The following RFTN2 variants were observed in gnomAD, a reference collection of about 807,000 sequenced individuals.
RFTN2 encodes raftlin-2.
In RFTN2, 34 loss-of-function variants were observed where a neutral mutation model predicts 52.7. That is an observed-to-expected ratio of 0.64 (90% CI 0.49 to 0.86). RFTN2 has a LOEUF of 0.86. Ranked by LOEUF, RFTN2 falls within the 40% of genes least tolerant of loss-of-function variation. RFTN2 has a pLI of 0.00. For synonymous variants in RFTN2, 203 were observed against 217.7 expected (o/e 0.93, Z 0.59); for missense variants, 536 against 600.1 (o/e 0.89, Z 1.12).
At chr2:197,651,435 A>G (rs893133617) in intron 1 of RFTN2, among the ~76,000 whole-genome samples, 4 of 152,178 alleles carry the variant, frequency 2.6e-5, no homozygotes, top group African/African-American at 7.2e-5. Flanking sequence ...CCTGGCCAAC[A>G]TGGTGAAACT....
intron 8 of RFTN2, among the ~76,000 whole-genome samples, chr2:197,594,354 G>T (rs2087763870): frequency 6.6e-6 from 1 of 151,644 alleles, no homozygotes; most frequent in African/African-American, 2.4e-5. Flanking sequence ...TTGAGACAGG[G>T]TCTCACTCCG....
At position 197,602,000 on chromosome 2, in the gene RFTN2, A is replaced by C. The variant is rs2087888187; in HGVS notation, c.1155-5931T>G. 2.6e-5 allele frequency among the ~76,000 whole-genome samples: 4 copies of C among 152,306 alleles called. No individual in the cohort carries two copies. In the South Asian group the frequency reaches 8.3e-4, roughly 32 times the overall value. ...AACAGTGACTAGTACTAGTTGTAAA[A>C]ACAAACAAGCAACAAAAATGAAACT... On this transcript the variant is annotated intron_variant, in intron 7 of 8. Transcript: ENST00000295049.
chr2:197,667,774 T>C (rs2089082388), intron 1 of RFTN2, among the ~76,000 whole-genome samples: 1 of 152,202 alleles, frequency 6.6e-6, no homozygotes, highest in African/African-American at 2.4e-5. Flanking sequence ...GGTGAGGTTT[T>C]CTTGGGAACT....
chr2:197,594,868 A>G (rs772812802), intron 8 of RFTN2, among the ~76,000 whole-genome samples: 20 of 152,258 alleles, frequency 1.3e-4, no homozygotes, highest in Non-Finnish European at 2.9e-4. Context: ...TGTATTATAC[A>G]CACAGTCAAT....
intron 8 of RFTN2, among the ~76,000 whole-genome samples, chr2:197,590,651 C>T (rs1337359003): frequency 6.6e-6 from 1 of 152,136 alleles, no homozygotes; most frequent in African/African-American, 2.4e-5. Context: ...GAGTTTGCTC[C>T]TTCTGGTGTT....
chr2:197,594,957 G>A (rs1328819952), intron 8 of RFTN2, among the ~76,000 whole-genome samples: 5 of 152,126 alleles, frequency 3.3e-5, no homozygotes, highest in South Asian at 2.1e-4. Flanking sequence ...AGCTTTGCCC[G>A]AAAACATAAA....
intron 5 of RFTN2, among the ~76,000 whole-genome samples, chr2:197,618,406 G>C (rs1164217257): frequency 1.3e-5 from 2 of 152,084 alleles, no homozygotes; most frequent in East Asian, 3.9e-4. Context: ...TGCCCAGGCT[G>C]GAGTGCAGTG....
intron 2 of RFTN2, 68 bp downstream of exon 2, chr2:197,646,415 A>ATTT: frequency 1.5e-6 from 2 of 1,291,330 alleles, no homozygotes; most frequent in Non-Finnish European, 2.1e-6. Context: ...CTTGATTCAA[A>ATTT]TTTTTTTTTC....
At chr2:197,575,499 T>C (rs1228613914) in intron 8 of RFTN2, among the ~76,000 whole-genome samples, 2 of 152,158 alleles carry the variant, frequency 1.3e-5, no homozygotes, top group African/African-American at 4.8e-5. Flanking sequence ...GACTCTCTGA[T>C]CAACTGTGGA....
intron 1 of RFTN2, among the ~76,000 whole-genome samples, chr2:197,658,773 T>C (rs542841205): frequency 1.3e-5 from 2 of 152,178 alleles, no homozygotes; most frequent in Non-Finnish European, 2.9e-5. Context: ...TTAATGAGTG[T>C]GGTTGGTTAC....
chr2:197,594,634 G>C (rs1029471966), intron 8 of RFTN2, among the ~76,000 whole-genome samples: 2 of 152,174 alleles, frequency 1.3e-5, no homozygotes, highest in Non-Finnish European at 2.9e-5. Context: ...GCATGGCCTA[G>C]ACAGAATATT....
At chr2:197,587,210 T>TAGGTTCCCACGCTGCCCC (rs2087614792) in intron 8 of RFTN2, among the ~76,000 whole-genome samples, 1 of 152,138 alleles carries the variant, frequency 6.6e-6, no homozygotes, top group Admixed American at 6.6e-5. Context: ...TCTGCTACTC[T>TAGGTTCCCACGCTGCCCC]AGGTTCCCAC....
In RFTN2 at chr2:197,588,098, AAC is replaced by A. The variant is rs1391515360; in HGVS notation, c.1233+7891_1233+7892del. 3 of 455,092 alleles carry A rather than the reference AAC, an allele frequency of 6.6e-6. No individual in the cohort carries two copies. In the Admixed American group the frequency reaches 7.8e-5, roughly 12 times the overall value. The allele number at this position is 455,092 out of a possible 1,614,324, so 28.2% of individuals were successfully genotyped here. On this transcript the variant is annotated intron_variant, in intron 8 of 8. Transcript: ENST00000295049. ...AAAAATTTCATTCAATCATAAAAAT[AAC>A]ACACATTTAATATAGAAAATGTGAC...
At chr2:197,588,096 AT>A in intron 8 of RFTN2, 5 of 455,500 alleles carry the variant, frequency 1.1e-5, no homozygotes, top group Non-Finnish European at 2.2e-5. Context: ...AATCATAAAA[AT>A]AACACACATT....
chr2:197,613,358 G>T (rs2088094493), intron 7 of RFTN2, among the ~76,000 whole-genome samples: 1 of 152,144 alleles, frequency 6.6e-6, no homozygotes, highest in African/African-American at 2.4e-5. Flanking sequence ...CAATTTTTCA[G>T]ATAAGGAAAT....
At chr2:197,645,727 T>A (rs574540964) in intron 2 of RFTN2, among the ~76,000 whole-genome samples, 1 of 152,302 alleles carries the variant, frequency 6.6e-6, no homozygotes, top group Admixed American at 6.5e-5. Context: ...TTTCTGTCGT[T>A]AAAAGTTTTA....
intron 7 of RFTN2, among the ~76,000 whole-genome samples, chr2:197,610,843 A>C (rs959516829): frequency 6.6e-6 from 1 of 152,236 alleles, no homozygotes; most frequent in African/African-American, 2.4e-5. Context: ...ATTTTGTCAA[A>C]GGCCTTTTCT....
Position 197,675,394 on chromosome 2 carries a change from G to A in RFTN2, c.65C>T (p.Thr22Ile), listed in dbSNP as rs2089202312. 6.2e-7 allele frequency: 1 copy of A among 1,605,008 alleles called. No individual in the cohort carries two copies. Among genetic ancestry groups the A allele is most frequent in the South Asian group, 1.1e-5 (1 of 89,940 alleles). ...DDSSPGKIFSTLKRPQVETKT... is the reference protein window; with the variant it reads ...DDSSPGKIFSILKRPQVETKT... ...TGTTTCCACTTGCGGTCTCTTCAGG[G>A]TAGAAAATATTTTTCCAGGGCTGCT... is the stretch of plus-strand genomic sequence containing the variant. Residue 22 changes from threonine to isoleucine, a missense_variant, in exon 1 of 9, where the codon ACC (threonine) becomes ATC (isoleucine). Physicochemically the swap from Thr to Ile is moderately conservative, Grantham distance 89. Coordinates refer to ENST00000295049, the MANE Select transcript of RFTN2 (RefSeq NM_144629.3).
intron 1 of RFTN2, among the ~76,000 whole-genome samples, chr2:197,653,874 C>T (rs1039961679): frequency 7.2e-5 from 11 of 152,186 alleles, no homozygotes; most frequent in African/African-American, 2.7e-4. Context: ...TCTAAGTACA[C>T]TTTCACAATT....
Sources: gnomAD v4.1 joint callset for allele counts (sites outside exome capture counted in the v4.1 genomes callset) on GRCh38, gnomAD v4.1.1 for gene constraint, MANE v1.5 for transcripts, NCBI Gene and HGNC (gene_info 2026-07-23, HGNC 2026-07-21) for gene names.